MFSD6: variants seen among roughly 807,000 people sequenced by gnomAD.
The protein encoded by MFSD6 is major facilitator superfamily domain-containing protein 6.
In MFSD6, 26 loss-of-function variants were observed where a neutral mutation model predicts 56.3. The ratio of observed to expected loss-of-function variants is 0.46; its 90% CI spans 0.34 to 0.64. The LOEUF is 0.64. MFSD6 is among the 30% of genes least tolerant of loss of function. The probability of loss-of-function intolerance (pLI) is 0.01; values close to 1 mark genes in which losing one functional copy is unlikely to be tolerated. For synonymous variants in MFSD6, 331 were observed against 366.9 expected, an observed-to-expected ratio of 0.90 and a Z score of 1.12; for missense variants, 750 against 986.2, an observed-to-expected ratio of 0.76 and a Z score of 3.21.
Position 190,489,996 on chromosome 2 carries a change from T to A in MFSD6, c.1891+130T>A. ...GTTTGGCTCAATTTTCTGAGTGGCG[T>A]ATCGATGAATTCATGTGGACTATTG... On this transcript the variant is annotated intron_variant, in intron 6 of 7. Transcript: ENST00000392328. This position sits in a 1 kb window ranked among gnomAD's most constrained non-coding sequence, Gnocchi z 6.6. 1 of 664,844 alleles carries A rather than the reference T, an allele frequency of 1.5e-6. No individual in the cohort carries two copies. The highest frequency in any genetic ancestry group is 2.5e-6 in the Non-Finnish European group (1 of 401,402). The allele number at this position is 664,844 out of a possible 1,614,324, so 41.2% of individuals were successfully genotyped here. A position where few individuals can be genotyped will look rare whatever the true frequency, so the allele number is the denominator to read the frequency against.
At chr2:190,450,031 T>C (rs936857928) in intron 3 of MFSD6, among the ~76,000 whole-genome samples, 2 of 151,378 alleles carry the variant, frequency 1.3e-5, no homozygotes, top group Non-Finnish European at 2.9e-5. Flanking sequence ...AAAATAAAAT[T>C]AAAAAAAAGA....
Position 190,434,721 on chromosome 2 carries a change from C to T in MFSD6, c.-53-1256C>T, listed in dbSNP as rs896579393. Among the ~76,000 whole-genome samples, 16 of 152,282 alleles carry T rather than the reference C, an allele frequency of 1.1e-4. No individual in the cohort carries two copies. The highest frequency in any genetic ancestry group is 2.1e-4 in the South Asian group (1 of 4,818). On this transcript the variant is annotated intron_variant, in intron 2 of 7. Transcript: ENST00000392328. The surrounding 1 kb of genome is among the most constrained non-coding windows in gnomAD (Gnocchi z 4.3). The stretch of plus-strand genomic sequence containing the variant: ...TGCTGGGATTACAGGTGTGAGCCAC[C>T]GCGCCCGGCCAAAACACTGTTTTTC...
intron 3 of MFSD6, among the ~76,000 whole-genome samples, chr2:190,450,658 A>G (rs1217461800): frequency 2.0e-5 from 3 of 151,550 alleles, no homozygotes; most frequent in African/African-American, 7.3e-5. Context: ...ATGCCCAGCT[A>G]AGTTTTGTAT....
rs150035553 is a variant in MFSD6 at position 190,434,390 on chromosome 2, A to G, written c.-53-1587A>G. 0.019 allele frequency among the ~76,000 whole-genome samples: 2,856 copies of G among 152,162 alleles called. 37 individuals are homozygous for G. The highest frequency in any genetic ancestry group is 0.029 in the Non-Finnish European group (1,942 of 67,992). ...GCACAGTTCCTATAAATTTATATAAATGTATATTGCTAATATCGTATATGA... is the reference window on the plus strand; with the variant it reads ...GCACAGTTCCTATAAATTTATATAAGTGTATATTGCTAATATCGTATATGA... On this transcript the variant is annotated intron_variant, in intron 2 of 7. Transcript: ENST00000392328. This position sits in a 1 kb window ranked among gnomAD's most constrained non-coding sequence, Gnocchi z 4.3.
chr2:190,433,684 A>T lies in MFSD6; in HGVS notation c.-53-2293A>T, dbSNP rs1302465837. Among the ~76,000 whole-genome samples the T allele has an allele frequency of 6.6e-6, 1 of 152,236 alleles. No homozygotes were observed. The highest frequency in any genetic ancestry group is 1.5e-5 in the Non-Finnish European group (1 of 68,040). ...TTTCAAAGCTTACAGCTACATTGAC[A>T]TCTGGCTTTTGGGGATAACAGATAA... On this transcript the variant is annotated intron_variant, in intron 2 of 7. Transcript: ENST00000392328. This position sits in a 1 kb window ranked among gnomAD's most constrained non-coding sequence, Gnocchi z 4.5.
chr2:190,472,280 A>G (rs1009925637), intron 4 of MFSD6, among the ~76,000 whole-genome samples: 11 of 152,176 alleles, frequency 7.2e-5, no homozygotes, highest in Admixed American at 5.9e-4. Context: ...CAGACGATCA[A>G]ACTACTCCGA....
chr2:190,487,761 G>A lies in MFSD6; in HGVS notation c.1631-896G>A, dbSNP rs576014956. Among the ~76,000 whole-genome samples the A allele has an allele frequency of 3.0e-4, 46 of 152,294 alleles. No homozygotes were observed. The South Asian group carries it at 9.1e-3, about 30-fold the overall frequency. On this transcript the variant is annotated intron_variant, in intron 4 of 7. Transcript: ENST00000392328. The surrounding 1 kb of genome is among the most constrained non-coding windows in gnomAD (Gnocchi z 5.5). ...TATATATAAGTTCTGGCAAGGAGGT[G>A]GAGAAATTGGATCTCTCATACAGTT...
At chr2:190,432,706 C>T (rs991188795) in intron 2 of MFSD6, among the ~76,000 whole-genome samples, 4 of 152,064 alleles carry the variant, frequency 2.6e-5, no homozygotes, top group East Asian at 1.9e-4. Flanking sequence ...CGTGAGCCAC[C>T]GCACCTGGCC....
At chr2:190,427,049 A>G (rs1216548891) in intron 2 of MFSD6, among the ~76,000 whole-genome samples, 1 of 152,138 alleles carries the variant, frequency 6.6e-6, no homozygotes, top group Non-Finnish European at 1.5e-5. Context: ...CTTCAGTGAC[A>G]CCCATTGAGA....
Position 190,465,017 on chromosome 2 carries a change from T to C in MFSD6, c.1533-4741T>C. ...GAATTACAGAATGACTCATAATTCA[T>C]TGTATCTATATCTTGAACACTCTTG... is the stretch of plus-strand genomic sequence containing the variant. On this transcript the variant is annotated intron_variant, in intron 3 of 7. Coordinates refer to ENST00000392328, the MANE Select transcript of MFSD6 (RefSeq NM_017694.4). The surrounding 1 kb of genome is among the most constrained non-coding windows in gnomAD (Gnocchi z 4.6). 1.6e-6 allele frequency: 1 copy of C among 623,670 alleles called. No individual in the cohort carries two copies. The highest frequency in any genetic ancestry group is 2.0e-6 in the Non-Finnish European group (1 of 498,226). The allele number at this position is 623,670 out of a possible 1,614,324, so 38.6% of individuals were successfully genotyped here.
At position 190,465,944 on chromosome 2, in the gene MFSD6, G is replaced by C. The variant is rs1274680262; in HGVS notation, c.1533-3814G>C. Among the ~76,000 whole-genome samples the C allele has an allele frequency of 6.6e-6, 1 of 152,132 alleles. No homozygotes were observed. Among genetic ancestry groups the C allele is most frequent in the Non-Finnish European group, 1.5e-5 (1 of 68,026 alleles). On this transcript the variant is annotated intron_variant, in intron 3 of 7. Coordinates refer to ENST00000392328, the MANE Select transcript of MFSD6 (RefSeq NM_017694.4). This position sits in a 1 kb window ranked among gnomAD's most constrained non-coding sequence, Gnocchi z 4.6. ...GGAGGCGGTGGTTACAGCAAACCAA[G>C]ATCATGCCATTGCAAAAAACAAACA...
At chr2:190,419,059 G>A (rs1690905539) in intron 2 of MFSD6, among the ~76,000 whole-genome samples, 1 of 152,184 alleles carries the variant, frequency 6.6e-6, no homozygotes, top group African/African-American at 2.4e-5. Context: ...TGCCCTTGTA[G>A]CCTGTGTGAC....
Position 190,459,464 on chromosome 2 carries a change from C to A in MFSD6, c.1533-10294C>A, listed in dbSNP as rs1237482473. ...AGCCATATCCTAGGAAATTTTTAAA[C>A]AAAATTGTAGGGGGTGTGTGTGTGA... On this transcript the variant is annotated intron_variant, in intron 3 of 7. Transcript: ENST00000392328. The surrounding 1 kb of genome is among the most constrained non-coding windows in gnomAD (Gnocchi z 5.3). 2.0e-5 allele frequency among the ~76,000 whole-genome samples: 3 copies of A among 152,164 alleles called. No homozygotes were observed. Among genetic ancestry groups the A allele is most frequent in the East Asian group, 3.9e-4 (2 of 5,182 alleles).
rs568468378 is a variant in MFSD6, at chr2:190,431,786, G to C, written c.-53-4191G>C. 6.6e-6 allele frequency among the ~76,000 whole-genome samples: 1 copy of C among 152,262 alleles called. No individual in the cohort carries two copies. Among genetic ancestry groups the C allele is most frequent in the South Asian group, 2.1e-4 (1 of 4,826 alleles). On this transcript the variant is annotated intron_variant, in intron 2 of 7. Transcript: ENST00000392328. This position sits in a 1 kb window ranked among gnomAD's most constrained non-coding sequence, Gnocchi z 4.4. Reference sequence around the variant, plus strand: ...TTGTTCTTTATTTTCCTAAGAAATTGCCTTAAATTTTTCTTTCATATCATC... The same window carrying C: ...TTGTTCTTTATTTTCCTAAGAAATTCCCTTAAATTTTTCTTTCATATCATC...
Position 190,435,954 on chromosome 2 carries a change from A to G in MFSD6, c.-53-23A>G, listed in dbSNP as rs1023147943. On this transcript the variant is annotated intron_variant, in intron 2 of 7. Transcript: ENST00000392328. ...ATGTTATGATTTTCATTACTAAGCC[A>G]TCTTTTAAATTTTACTTTACAGATC... The G allele has an allele frequency of 6.7e-6, 10 of 1,503,624 alleles. No homozygotes were observed. The Admixed American group carries it at 1.8e-4, about 27-fold the overall frequency. 93.1% of individuals were successfully genotyped at this position (1,503,624 alleles called of 1,614,324 possible). A position where few individuals can be genotyped will look rare whatever the true frequency, so the allele number is the denominator to read the frequency against.
intron 2 of MFSD6, among the ~76,000 whole-genome samples, chr2:190,429,071 A>T (rs1481210844): frequency 1.3e-5 from 2 of 152,040 alleles, no homozygotes; most frequent in Non-Finnish European, 2.9e-5. Context: ...TCATCTTTTT[A>T]CATATTTATT....
chr2:190,467,894 A>C lies in MFSD6; in HGVS notation c.1533-1864A>C, dbSNP rs1056373841. 3.3e-5 allele frequency among the ~76,000 whole-genome samples: 5 copies of C among 152,226 alleles called. No individual in the cohort carries two copies. The highest frequency in any genetic ancestry group is 7.3e-5 in the Non-Finnish European group (5 of 68,040). On this transcript the variant is annotated intron_variant, in intron 3 of 7. Coordinates refer to ENST00000392328, the MANE Select transcript of MFSD6 (RefSeq NM_017694.4). This position sits in a 1 kb window ranked among gnomAD's most constrained non-coding sequence, Gnocchi z 5.5. ...CCTGTGGCTGCTTTCATGCTACAGC[A>C]GCAGAGCTGAGGAGCTGCAACAGAG... is the stretch of plus-strand genomic sequence containing the variant.
rs542094750 is a variant in MFSD6 at position 190,490,979 on chromosome 2, C to T, written c.1891+1113C>T. 1.3e-5 allele frequency among the ~76,000 whole-genome samples: 2 copies of T among 152,346 alleles called. No individual in the cohort carries two copies. Among genetic ancestry groups the T allele is most frequent in the African/African-American group, 2.4e-5 (1 of 41,578 alleles). On this transcript the variant is annotated intron_variant, in intron 6 of 7. Coordinates refer to ENST00000392328, the MANE Select transcript of MFSD6 (RefSeq NM_017694.4). The surrounding 1 kb of genome is among the most constrained non-coding windows in gnomAD (Gnocchi z 4.5). Reference sequence around the variant, plus strand: ...ATGGATTCTCTCTCTTACACAGCCTCAGTCCATGCCTCATGTAAAAGACCA... The same window carrying T: ...ATGGATTCTCTCTCTTACACAGCCTTAGTCCATGCCTCATGTAAAAGACCA...
chr2:190,414,260 A>G (rs12105680), intron 1 of MFSD6, among the ~76,000 whole-genome samples: 17,557 of 152,104 alleles, frequency 0.12, 1,471 homozygotes, highest in African/African-American at 0.23. Context: ...TGTCCTGCAC[A>G]TGTGTCCTGG....
Sources: allele counts gnomAD v4.1 joint callset (sites outside exome capture counted in the v4.1 genomes callset), GRCh38; gene constraint gnomAD v4.1.1; non-coding constraint Gnocchi (gnomAD v3.1); transcripts MANE v1.5; gene names NCBI Gene and HGNC (gene_info 2026-07-23, HGNC 2026-07-21).